Variants in USP25 observed in about 807,000 individuals in gnomAD.
USP25 encodes ubiquitin carboxyl-terminal hydrolase 25.
A neutral mutation model predicts 158.5 loss-of-function variants in USP25; 85 were observed. That is an observed-to-expected ratio of 0.54 (90% CI 0.45 to 0.64). The LOEUF (loss-of-function observed/expected upper bound fraction) is 0.64. USP25 is among the 30% of genes least tolerant of loss of function. The pLI, the probability that USP25 is intolerant of heterozygous loss-of-function variation, is 0.00. For synonymous variants in USP25, 464 were observed against 460.4 expected, an observed-to-expected ratio of 1.01 and a Z score of -0.10; for missense variants, 1,242 against 1,327.3, an observed-to-expected ratio of 0.94 and a Z score of 1.00.
intron 4 of USP25, 146 bp from the exon 5 acceptor site, chr21:15,791,356 G>A (rs757319156): frequency 2.0e-5 from 17 of 863,400 alleles, no homozygotes; most frequent in Admixed American, 3.9e-5. Flanking sequence ...CTGCTAAAAC[G>A]TGTATTTGAG....
At chr21:15,787,756 A>G (rs1444102927) in intron 4 of USP25, among the ~76,000 whole-genome samples, 4 of 151,746 alleles carry the variant, frequency 2.6e-5, no homozygotes, top group South Asian at 4.2e-4. Context: ...TAGTTGATCT[A>G]TACAGCTTAA....
chr21:15,860,477 C>T (rs1209376352), intron 20 of USP25, among the ~76,000 whole-genome samples: 1 of 151,938 alleles, frequency 6.6e-6, no homozygotes, highest in Non-Finnish European at 1.5e-5. Flanking sequence ...TGACTAACAG[C>T]CCAATAGGTT....
intron 5 of USP25, among the ~76,000 whole-genome samples, chr21:15,795,519 T>A (rs2035817607): frequency 6.6e-6 from 1 of 151,620 alleles, no homozygotes; most frequent in Non-Finnish European, 1.5e-5. Context: ...TGGGGTGAAT[T>A]CTGATTCTTT....
chr21:15,758,922 A>T (rs2033564435), intron 1 of USP25, among the ~76,000 whole-genome samples: 2 of 152,170 alleles, frequency 1.3e-5, no homozygotes, highest in South Asian at 4.1e-4. Context: ...TATGGGAGCT[A>T]CAACTCAATG....
At chr21:15,873,277 A>AT (rs202104022) in intron 23 of USP25, among the ~76,000 whole-genome samples, 240 of 143,756 alleles carry the variant, frequency 1.7e-3, no homozygotes, top group African/African-American at 2.2e-3. Flanking sequence ...TGCCCAGCTA[A>AT]TTTTTTTTTT....
chr21:15,873,618 C>G (rs1355837438), intron 23 of USP25, among the ~76,000 whole-genome samples: 1 of 151,796 alleles, frequency 6.6e-6, no homozygotes, highest in South Asian at 2.1e-4. Context: ...CTCAGCCTGC[C>G]GAGTAGCTGG....
chr21:15,745,713 T>C (rs1393760355), intron 1 of USP25, among the ~76,000 whole-genome samples: 1 of 152,136 alleles, frequency 6.6e-6, no homozygotes, highest in Non-Finnish European at 1.5e-5. Context: ...CGACCTCAGG[T>C]GATCCGCCCG....
intron 22 of USP25, among the ~76,000 whole-genome samples, chr21:15,868,279 A>G (rs1200991255): frequency 6.6e-6 from 1 of 152,182 alleles, no homozygotes; most frequent in Non-Finnish European, 1.5e-5. Context: ...TGTAATCTAG[A>G]GCCAGAGAAA....
rs376790494 is a variant in USP25, at chr21:15,763,630, A to G, written c.123+662A>G. ...AGTATTTTAAGCTTATTTGCATATT[A>G]CTACTATAGGCTAAAAACAATATAG... On this transcript the variant is annotated intron_variant, in intron 2 of 25. Transcript: ENST00000400183. 3.9e-5 allele frequency among the ~76,000 whole-genome samples: 6 copies of G among 152,276 alleles called. No homozygotes were observed. The East Asian group carries it at 1.2e-3, about 29-fold the overall frequency.
At chr21:15,737,730 T>C (rs1468087156) in intron 1 of USP25, among the ~76,000 whole-genome samples, 1 of 152,198 alleles carries the variant, frequency 6.6e-6, no homozygotes, top group Non-Finnish European at 1.5e-5. Flanking sequence ...GCTTGAGTTT[T>C]GTATATGGTG....
intron 9 of USP25, among the ~76,000 whole-genome samples, chr21:15,817,941 G>A (rs1055832148): frequency 2.6e-5 from 4 of 152,080 alleles, no homozygotes; most frequent in African/African-American, 9.7e-5. Context: ...TTCTTAATAG[G>A]ACCACAAGAC....
At chr21:15,733,726 C>G (rs903130225) in intron 1 of USP25, among the ~76,000 whole-genome samples, 1 of 152,166 alleles carries the variant, frequency 6.6e-6, no homozygotes, top group African/African-American at 2.4e-5. Flanking sequence ...CCTGTAATCC[C>G]AGCTACTCAG....
intron 3 of USP25, among the ~76,000 whole-genome samples, chr21:15,777,397 T>A (rs2034718192): frequency 6.6e-6 from 1 of 152,146 alleles, no homozygotes. Flanking sequence ...TTTCAGAATT[T>A]AAAAAATGTA....
intron 4 of USP25, among the ~76,000 whole-genome samples, chr21:15,787,141 A>C (rs1343386696): frequency 6.6e-6 from 1 of 152,138 alleles, no homozygotes; most frequent in Non-Finnish European, 1.5e-5. Flanking sequence ...TCGTATGTTC[A>C]TGGATTAGAA....
chr21:15,795,858 A>C (rs2035836427), intron 5 of USP25, among the ~76,000 whole-genome samples: 1 of 151,486 alleles, frequency 6.6e-6, no homozygotes, highest in Admixed American at 6.6e-5. Flanking sequence ...CCTCACCATG[A>C]AACTTATGTG....
At chr21:15,831,269 C>A (rs1387565435) in intron 15 of USP25, 132 bp from the exon 16 acceptor site, 6 of 753,514 alleles carry the variant, frequency 8.0e-6, no homozygotes, top group Non-Finnish European at 1.3e-5. Context: ...TTAAGCCCAG[C>A]CAGTTCTCTC....
At chr21:15,853,931 T>C (rs2039012557) in intron 20 of USP25, among the ~76,000 whole-genome samples, 1 of 152,194 alleles carries the variant, frequency 6.6e-6, no homozygotes, top group South Asian at 2.1e-4. Context: ...ATTCCATAGT[T>C]ATTGGCATGT....
intron 9 of USP25, among the ~76,000 whole-genome samples, chr21:15,815,605 C>T (rs368945568): frequency 3.1e-4 from 47 of 152,286 alleles, no homozygotes; most frequent in African/African-American, 1.1e-3. Context: ...ATTTCAGAGC[C>T]TTAAAATTTG....
At position 15,866,361 on chromosome 21, in the gene USP25, G is replaced by C; in HGVS notation, c.2805+17G>C. 6.4e-7 allele frequency: 1 copy of C among 1,569,352 alleles called. No individual in the cohort carries two copies. Among genetic ancestry groups the C allele is most frequent in the Non-Finnish European group, 8.7e-7 (1 of 1,153,816 alleles). On this transcript the variant is annotated intron_variant, in intron 22 of 25. Transcript: ENST00000400183. ...GAATATGAGGTAATGTGCTTTCTTA[G>C]AGGTTAAACTACAGATTTAGGGATT... is the stretch of plus-strand genomic sequence containing the variant.
Sources: gnomAD v4.1 joint callset for allele counts (sites outside exome capture counted in the v4.1 genomes callset) on GRCh38, gnomAD v4.1.1 for gene constraint, MANE v1.5 for transcripts, NCBI Gene and HGNC (gene_info 2026-07-23, HGNC 2026-07-21) for gene names.